GADL1: variants seen among roughly 807,000 people sequenced by gnomAD.
The protein encoded by GADL1 is acidic amino acid decarboxylase GADL1.
Under a neutral mutation model 69.5 loss-of-function variants are expected in GADL1, and 71 were observed. That is an observed-to-expected ratio of 1.02 (90% CI 0.84 to 1.25). The LOEUF is 1.25. Among genes scored for constraint, GADL1 ranks in the 50% most tolerant of loss-of-function variants. The pLI, the probability that GADL1 is intolerant of heterozygous loss-of-function variation, is 0.00. For synonymous variants in GADL1, 254 were observed against 214.4 expected, an observed-to-expected ratio of 1.18 and a Z score of -1.62; for missense variants, 737 against 631.8, an observed-to-expected ratio of 1.17 and a Z score of -1.79.
intron 12 of GADL1, among the ~76,000 whole-genome samples, chr3:30,791,863 G>A (rs1272525718): frequency 6.6e-6 from 1 of 152,154 alleles, no homozygotes; most frequent in African/African-American, 2.4e-5. Flanking sequence ...CTCAGGATCT[G>A]ATGGTTTAAT....
chr3:30,809,102 A>G (rs1469183219), intron 11 of GADL1, among the ~76,000 whole-genome samples: 1 of 152,222 alleles, frequency 6.6e-6, no homozygotes, highest in Non-Finnish European at 1.5e-5. Context: ...TCTACTCACA[A>G]TATTTCTGCA....
chr3:30,829,056 C>G (rs1697741955), intron 11 of GADL1, among the ~76,000 whole-genome samples: 1 of 151,826 alleles, frequency 6.6e-6, no homozygotes, highest in Non-Finnish European at 1.5e-5. Flanking sequence ...ACATTTTTCT[C>G]CATCTATGCA....
intron 1 of GADL1, among the ~76,000 whole-genome samples, chr3:30,862,796 T>C (rs977788267): frequency 6.6e-6 from 1 of 151,980 alleles, no homozygotes; most frequent in Non-Finnish European, 1.5e-5. Context: ...TTTCTCCAAA[T>C]GTATGTCCCC....
At chr3:30,815,417 C>T (rs750545516) in intron 11 of GADL1, among the ~76,000 whole-genome samples, 14 of 152,092 alleles carry the variant, frequency 9.2e-5, no homozygotes, top group Non-Finnish European at 2.1e-4. Flanking sequence ...TTATGGTTTC[C>T]AAACCAAACA....
chr3:30,882,429 T>C (rs1448704875), intron 1 of GADL1, among the ~76,000 whole-genome samples: 2 of 151,990 alleles, frequency 1.3e-5, no homozygotes, highest in African/African-American at 2.4e-5. Flanking sequence ...AATGGAGTTA[T>C]AGTATTGGTC....
chr3:30,781,372 CAA>C (rs1696661975), intron 13 of GADL1, among the ~76,000 whole-genome samples: 3 of 152,126 alleles, frequency 2.0e-5, no homozygotes, highest in Non-Finnish European at 2.9e-5. Context: ...TGAGTTATGT[CAA>C]AAGAAATTCA....
intron 1 of GADL1, among the ~76,000 whole-genome samples, chr3:30,877,525 A>G (rs1286525725): frequency 1.3e-5 from 2 of 151,968 alleles, no homozygotes; most frequent in Non-Finnish European, 2.9e-5. Flanking sequence ...GTGTCATGAC[A>G]GAATATACCA....
chr3:30,765,188 T>C (rs1696241384), intron 14 of GADL1, among the ~76,000 whole-genome samples: 1 of 152,132 alleles, frequency 6.6e-6, no homozygotes, highest in African/African-American at 2.4e-5. Context: ...TAACATGTCT[T>C]CCTTAAGCTG....
At chr3:30,866,377 T>A (rs1241199021) in intron 1 of GADL1, among the ~76,000 whole-genome samples, 1 of 152,016 alleles carries the variant, frequency 6.6e-6, no homozygotes, top group Non-Finnish European at 1.5e-5. Context: ...AAGAATCAGT[T>A]GAACCTGGGA....
At chr3:30,854,597 A>G in intron 4 of GADL1, 102 bp downstream of exon 4, 1 of 692,880 alleles carries the variant, frequency 1.4e-6, no homozygotes, top group Non-Finnish European at 2.5e-6. Context: ...CGATGGCACT[A>G]TGCAAAAGAA....
chr3:30,867,423 C>T (rs867182929), intron 1 of GADL1, among the ~76,000 whole-genome samples: 2 of 115,046 alleles, frequency 1.7e-5, no homozygotes, highest in Non-Finnish European at 4.0e-5. Context: ...TACAATACTA[C>T]ATATATATAT....
rs1039329044 is a variant in GADL1, at chr3:30,836,039, T to G, written c.904-1758A>C. 2.6e-5 allele frequency among the ~76,000 whole-genome samples: 4 copies of G among 152,100 alleles called. 1 individual carries two copies. The highest frequency in any genetic ancestry group is 2.6e-4 in the Admixed American group (4 of 15,250). On this transcript the variant is annotated intron_variant, in intron 9 of 14. Transcript: ENST00000282538. Reference sequence around the variant, plus strand: ...TAAGATGTGTTACATATCACATTTTTCTTGACTTTCATTACATATTCTAAA... The same window carrying G: ...TAAGATGTGTTACATATCACATTTTGCTTGACTTTCATTACATATTCTAAA...
chr3:30,795,842 A>T (rs769056923), intron 12 of GADL1, among the ~76,000 whole-genome samples: 1 of 152,174 alleles, frequency 6.6e-6, no homozygotes. Flanking sequence ...GGATATCAAG[A>T]GTGTGGAAAG....
intron 12 of GADL1, among the ~76,000 whole-genome samples, chr3:30,788,418 T>G (rs1197979083): frequency 1.3e-5 from 2 of 152,198 alleles, no homozygotes; most frequent in African/African-American, 4.8e-5. Flanking sequence ...AAATACCTTA[T>G]TGCTAAAAAG....
chr3:30,887,474 C>A (rs900397596), intron 1 of GADL1, among the ~76,000 whole-genome samples: 10 of 152,172 alleles, frequency 6.6e-5, no homozygotes, highest in Middle Eastern at 3.4e-3. Flanking sequence ...CACTCTCAGC[C>A]CCTTCGCCAT....
chr3:30,806,691 A>G (rs889464492), intron 11 of GADL1, among the ~76,000 whole-genome samples: 1 of 152,222 alleles, frequency 6.6e-6, no homozygotes, highest in Non-Finnish European at 1.5e-5. Flanking sequence ...TCACCACCTT[A>G]GAGGTGTGAG....
At chr3:30,741,022 ATATAT>A (rs1265851853) in intron 14 of GADL1, among the ~76,000 whole-genome samples, 12 of 82,210 alleles carry the variant, frequency 1.5e-4, no homozygotes, top group East Asian at 4.7e-4. Context: ...ATATTATATA[ATATAT>A]TATATAATAT....
chr3:30,875,506 C>A (rs1189207422), intron 1 of GADL1, among the ~76,000 whole-genome samples: 1 of 151,744 alleles, frequency 6.6e-6, no homozygotes, highest in Admixed American at 6.6e-5. Flanking sequence ...TCCAGAGACC[C>A]CTAAACTAAA....
chr3:30,777,447 A>G (rs1696563504), intron 14 of GADL1, among the ~76,000 whole-genome samples: 1 of 152,162 alleles, frequency 6.6e-6, no homozygotes, highest in African/African-American at 2.4e-5. Flanking sequence ...TGAAACTCCC[A>G]TGGGTTCACT....
Sources: gnomAD v4.1 joint callset for allele counts (sites outside exome capture counted in the v4.1 genomes callset) on GRCh38, gnomAD v4.1.1 for gene constraint, MANE v1.5 for transcripts, NCBI Gene and HGNC (gene_info 2026-07-23, HGNC 2026-07-21) for gene names.